BPIFB2: variants seen among roughly 807,000 people sequenced by gnomAD.
BPIFB2 encodes the protein BPI fold containing family B member 2.
In BPIFB2, 39 loss-of-function variants were observed where a neutral mutation model predicts 50.1. The ratio of observed to expected loss-of-function variants is 0.78; its 90% CI spans 0.60 to 1.02. The LOEUF is 1.02. Ranked by LOEUF, BPIFB2 falls within the 50% of genes least tolerant of loss-of-function variation. The probability of loss-of-function intolerance (pLI) is 0.00; values close to 1 mark genes in which losing one functional copy is unlikely to be tolerated. For missense variants in BPIFB2, 574 were observed against 585.8 expected (o/e 0.98, Z 0.21); for synonymous variants, 280 against 256.3 (o/e 1.09, Z -0.88).
chr20:33,015,286 C>A, intron 5 of BPIFB2, 150 bp from the exon 6 acceptor site: 3 of 597,768 alleles, frequency 5.0e-6, no homozygotes, highest in Non-Finnish European at 8.6e-6. Flanking sequence ...TATGCCAGCA[C>A]TGTGTCTGGC....
intron 14 of BPIFB2, 21 bp downstream of exon 14, chr20:33,021,365 C>T (rs1285773478): frequency 3.1e-6 from 5 of 1,602,534 alleles, no homozygotes; most frequent in South Asian, 2.2e-5. Flanking sequence ...CCCTCCACCC[C>T]AGCAGGGCCC....
At chr20:33,011,209 G>A in intron 3 of BPIFB2, 92 bp downstream of exon 3, 1 of 1,222,506 alleles carries the variant, frequency 8.2e-7, no homozygotes, top group Non-Finnish European at 1.2e-6. Flanking sequence ...CCGGGCATGT[G>A]CTCCTGCCTG....
At chr20:33,008,403 C>G in intron 1 of BPIFB2, 138 bp from the exon 2 acceptor site, 2 of 559,852 alleles carry the variant, frequency 3.6e-6, no homozygotes. Flanking sequence ...TGCAGAGATG[C>G]AAAAACTGAT....
chr20:33,018,445 AG>A (rs908889177), intron 8 of BPIFB2, 95 bp downstream of exon 8: 63 of 1,332,418 alleles, frequency 4.7e-5, no homozygotes, highest in Non-Finnish European at 6.6e-5. Context: ...GGAGTGGGAA[AG>A]GAGAGGAGGA....
chr20:33,020,850 C>T (rs1978637492), intron 13 of BPIFB2, among the ~76,000 whole-genome samples: 1 of 152,198 alleles, frequency 6.6e-6, no homozygotes, highest in African/African-American at 2.4e-5. Flanking sequence ...TCCCTTCAGC[C>T]AGGTGATGTG....
At position 33,019,622 on chromosome 20, in the gene BPIFB2, G is replaced by T. The variant is rs150853059; in HGVS notation, c.952G>T (p.Val318Leu). Residue 318 changes from valine (V) to leucine (L), a missense_variant, in exon 11 of 16, where the codon GTG (valine) becomes TTG (leucine). By Grantham distance (32) the Val-to-Leu change is conservative. Transcript: ENST00000170150. Reference sequence around the variant, plus strand: ...CGAGCCCATGCCTGTGGTGCTCAAGGTGCGGCTGGGTGCCACACCTGTGGC... The same window carrying T: ...CGAGCCCATGCCTGTGGTGCTCAAGTTGCGGCTGGGTGCCACACCTGTGGC... The part of the protein sequence containing the change: ...FPEPMPVVLK[V>L]RLGATPVAML... 1.2e-6 allele frequency: 2 copies of T among 1,610,108 alleles called. No homozygotes were observed. Among genetic ancestry groups the T allele is most frequent in the Non-Finnish European group, 1.7e-6 (2 of 1,177,684 alleles).
At chr20:33,019,187 T>G (rs1735991919) in intron 10 of BPIFB2, 72 bp downstream of exon 10, 1 of 1,569,280 alleles carries the variant, frequency 6.4e-7, no homozygotes. Context: ...GGTCATGGGA[T>G]CTCTGCTGGC....
intron 8 of BPIFB2, 54 bp downstream of exon 8, chr20:33,018,404 T>C: frequency 6.7e-7 from 1 of 1,490,306 alleles, no homozygotes. Context: ...CTGGAGTCCT[T>C]GGTGTTCCAG....
chr20:33,021,880 C>T (rs983509384), intron 15 of BPIFB2, 81 bp downstream of exon 15: 3 of 1,374,962 alleles, frequency 2.2e-6, no homozygotes, highest in East Asian at 2.3e-5. Flanking sequence ...CTCTCCCTCC[C>T]CCTCTGTGGC....
Position 33,021,844 on chromosome 20 carries a change from G to A in BPIFB2, c.1335+45G>A, listed in dbSNP as rs1156900675. 4 of 1,569,472 alleles carry A rather than the reference G, an allele frequency of 2.5e-6. No homozygotes were observed. In the South Asian group the frequency reaches 3.3e-5, roughly 13 times the overall value. On this transcript the variant is annotated intron_variant, in intron 15 of 15. Transcript: ENST00000170150. ...ACCAGAGGGGCCTCCTTCACTCAGA[G>A]GGACTGATTGAGGTGGGGGTCACCT...
At chr20:33,017,233 G>A in intron 7 of BPIFB2, 131 bp downstream of exon 7, 1 of 696,938 alleles carries the variant, frequency 1.4e-6, no homozygotes, top group Non-Finnish European at 2.3e-6. Flanking sequence ...ACTGAATTGT[G>A]AGCTCCCAAA....
chr20:33,008,609 C>T lies in BPIFB2; in HGVS notation c.35C>T (p.Ala12Val). The change falls in exon 2 of 16, where the codon GCA becomes GTA. Residue 12 changes from alanine (A) to valine (V), a missense_variant. Coordinates refer to ENST00000170150, the MANE Select transcript of BPIFB2 (RefSeq NM_025227.3). ...AWASRLGLLLALLLPVVGAST... is the reference protein window; with the variant it reads ...AWASRLGLLLVLLLPVVGAST... The stretch of plus-strand genomic sequence containing the variant: ...GCAAGTAGGCTGGGCCTGCTGCTGG[C>T]ACTGCTGCTGCCCGTGGTCGGTGCC... 2 of 1,604,488 alleles carry T rather than the reference C, an allele frequency of 1.2e-6. No homozygotes were observed. Among genetic ancestry groups the T allele is most frequent in the Non-Finnish European group, 1.7e-6 (2 of 1,175,720 alleles).
At chr20:33,011,148 T>C (rs750170976) in intron 3 of BPIFB2, 31 bp downstream of exon 3, 6 of 1,597,104 alleles carry the variant, frequency 3.8e-6, no homozygotes, top group South Asian at 2.2e-5. Context: ...GAGAAGGTGC[T>C]CCTGCCACCA....
chr20:33,009,915 C>A lies in BPIFB2; in HGVS notation c.110-1109C>A, dbSNP rs1267877203. Among the ~76,000 whole-genome samples the A allele has an allele frequency of 1.3e-5, 2 of 152,206 alleles. No homozygotes were observed. Among genetic ancestry groups the A allele is most frequent in the Non-Finnish European group, 2.9e-5 (2 of 68,034 alleles). On this transcript the variant is annotated intron_variant, in intron 2 of 15. Transcript: ENST00000170150. The surrounding 1 kb of genome is among the most constrained non-coding windows in gnomAD (Gnocchi z 4.2). ...TGCAAGCCCCAGAGTTCAAACCCTGCGTCAAGGGAGCACTGTAGATGGAGT... is the reference window on the plus strand; with the variant it reads ...TGCAAGCCCCAGAGTTCAAACCCTGAGTCAAGGGAGCACTGTAGATGGAGT...
intron 3 of BPIFB2, among the ~76,000 whole-genome samples, chr20:33,011,958 G>A (rs903735065): frequency 3.3e-5 from 5 of 152,124 alleles, no homozygotes; most frequent in African/African-American, 7.2e-5. Flanking sequence ...CAGCCTGGAC[G>A]ACAAGAATGA....
In BPIFB2 at chr20:33,013,870, C is replaced by G. The variant is rs755540537; in HGVS notation, c.369C>G (p.Thr123=). 3 of 1,614,134 alleles carry G rather than the reference C, an allele frequency of 1.9e-6. No homozygotes were observed. Among genetic ancestry groups the G allele is most frequent in the South Asian group, 2.2e-5 (2 of 91,074 alleles). Residue 123 remains threonine (T), a synonymous_variant, in exon 5 of 16, where the codon ACC becomes ACG. Coordinates refer to ENST00000170150, the MANE Select transcript of BPIFB2 (RefSeq NM_025227.3). ...AACTGCTGGCTGACACCCGCGTGAC[C>G]CAGAGCTCCATCAGGACCCCTGTGG... ...PVELLADTRV[T]QSSIRTPVVS... is the part of the protein sequence containing the mutation.
chr20:33,017,124 A>C (rs746838115), intron 7 of BPIFB2, 22 bp downstream of exon 7: 2 of 1,611,432 alleles, frequency 1.2e-6, no homozygotes, highest in Admixed American at 3.3e-5. Context: ...GAGCCAGGGG[A>C]GGGGGCTGGG....
chr20:33,017,596 G>C (rs557246965), intron 7 of BPIFB2, among the ~76,000 whole-genome samples: 1 of 152,186 alleles, frequency 6.6e-6, no homozygotes, highest in African/African-American at 2.4e-5. Flanking sequence ...AAGGCTGCTC[G>C]GAGGGTCTGT....
chr20:33,014,082 G>T (rs1990324690), intron 5 of BPIFB2, 126 bp downstream of exon 5: 2 of 1,279,858 alleles, frequency 1.6e-6, no homozygotes, highest in Admixed American at 2.8e-5. Flanking sequence ...CCATTATTGT[G>T]CTTGTTTTAT....
Sources: gnomAD v4.1 joint callset for allele counts (sites outside exome capture counted in the v4.1 genomes callset) on GRCh38, gnomAD v4.1.1 for gene constraint, Gnocchi (gnomAD v3.1) non-coding constraint, MANE v1.5 for transcripts, NCBI Gene and HGNC (gene_info 2026-07-23, HGNC 2026-07-21) for gene names.